MARCHF8: variants seen among roughly 807,000 people sequenced by gnomAD.
MARCHF8 encodes E3 ubiquitin-protein ligase MARCHF8.
Under a neutral mutation model 51.6 loss-of-function variants are expected in MARCHF8, and 40 were observed. The observed-to-expected ratio is 0.77, with a 90% confidence interval of 0.60 to 1.01. MARCHF8 has a LOEUF of 1.01. Ranked by LOEUF, MARCHF8 falls within the 50% of genes least tolerant of loss-of-function variation. The pLI, the probability that MARCHF8 is intolerant of heterozygous loss-of-function variation, is 0.00. For missense variants in MARCHF8, 685 were observed against 708.6 expected, an observed-to-expected ratio of 0.97 and a Z score of 0.38; for synonymous variants, 263 against 280.3, an observed-to-expected ratio of 0.94 and a Z score of 0.62.
chr10:45,493,993 A>G (rs1026182828), intron 2 of MARCHF8, among the ~76,000 whole-genome samples: 1 of 152,238 alleles, frequency 6.6e-6, no homozygotes, highest in African/African-American at 2.4e-5. Context: ...TTTTAAAAGT[A>G]AATTCCTATG....
chr10:45,550,343 C>T (rs1185131611), intron 1 of MARCHF8, among the ~76,000 whole-genome samples: 1 of 152,192 alleles, frequency 6.6e-6, no homozygotes, highest in African/African-American at 2.4e-5. Flanking sequence ...TTAACAAACA[C>T]ATGGATCTTG....
chr10:45,489,608 T>C (rs754183728), intron 2 of MARCHF8, among the ~76,000 whole-genome samples, 191 bp from the exon 3 acceptor site: 4 of 152,120 alleles, frequency 2.6e-5, no homozygotes, highest in Admixed American at 2.0e-4. Context: ...GAATACACAA[T>C]AGTCCCTGTC....
At chr10:45,574,821 T>C (rs1014035093) in intron 1 of MARCHF8, among the ~76,000 whole-genome samples, 5 of 152,160 alleles carry the variant, frequency 3.3e-5, no homozygotes, top group Non-Finnish European at 5.9e-5. Context: ...CTGATGCATA[T>C]ACTTTCTGCC....
intron 1 of MARCHF8, among the ~76,000 whole-genome samples, chr10:45,553,805 C>T (rs1031585743): frequency 6.6e-6 from 1 of 150,836 alleles, no homozygotes; most frequent in Non-Finnish European, 1.5e-5. Flanking sequence ...GAGGCAGAAA[C>T]TATACGTGTG....
intron 2 of MARCHF8, among the ~76,000 whole-genome samples, chr10:45,521,187 GAT>G (rs997200280): frequency 1.3e-5 from 2 of 152,106 alleles, no homozygotes; most frequent in African/African-American, 4.8e-5. Context: ...ATCTACCTAT[GAT>G]ATATCTGAAT....
chr10:45,467,324 C>A (rs1329517885), intron 3 of MARCHF8, among the ~76,000 whole-genome samples: 1 of 152,126 alleles, frequency 6.6e-6, no homozygotes, highest in South Asian at 2.1e-4. Flanking sequence ...ATATAAACTT[C>A]AACAAATGCT....
intron 3 of MARCHF8, among the ~76,000 whole-genome samples, chr10:45,468,290 G>C (rs543884572): frequency 1.3e-5 from 2 of 152,246 alleles, no homozygotes; most frequent in East Asian, 3.9e-4. Flanking sequence ...GCCTGCTGTC[G>C]CTGGAGCAGC....
At chr10:45,550,102 C>T (rs1055627900) in intron 1 of MARCHF8, among the ~76,000 whole-genome samples, 1 of 152,114 alleles carries the variant, frequency 6.6e-6, no homozygotes, top group Admixed American at 6.5e-5. Flanking sequence ...ATGTTGTTTT[C>T]GCTGCTTTTT....
At chr10:45,501,804 C>G (rs2043285492) in intron 2 of MARCHF8, among the ~76,000 whole-genome samples, 1 of 151,886 alleles carries the variant, frequency 6.6e-6, no homozygotes, top group African/African-American at 2.4e-5. Context: ...TTTTAAAAAT[C>G]CAATTAGAAA....
intron 3 of MARCHF8, among the ~76,000 whole-genome samples, chr10:45,479,457 A>G (rs1343263847): frequency 6.6e-6 from 1 of 152,170 alleles, no homozygotes; most frequent in Non-Finnish European, 1.5e-5. Context: ...ATGCCCGCTG[A>G]TATGATTTGG....
intron 1 of MARCHF8, among the ~76,000 whole-genome samples, chr10:45,564,630 A>G (rs552932610): frequency 1.3e-5 from 2 of 152,300 alleles, no homozygotes; most frequent in Admixed American, 1.3e-4. Flanking sequence ...TTATAAATCC[A>G]AAAGACTCAG....
intron 3 of MARCHF8, among the ~76,000 whole-genome samples, chr10:45,478,889 T>TCCAGGATTGGATGACTTCACTG (rs2042835141): frequency 6.6e-6 from 1 of 151,128 alleles, no homozygotes; most frequent in Admixed American, 6.6e-5. Flanking sequence ...CAACGAAAGG[T>TCCAGGATTGGATGACTTCACTG]CCAGGATTGG....
chr10:45,539,628 C>CA (rs1389819907), upstream of MARCHF8, among the ~76,000 whole-genome samples: 7 of 152,052 alleles, frequency 4.6e-5, no homozygotes, highest in Non-Finnish European at 8.8e-5. Flanking sequence ...TAAAGAATGA[C>CA]AAAGGGGATA....
chr10:45,510,034 T>A (rs1261170302), intron 2 of MARCHF8, among the ~76,000 whole-genome samples: 3 of 152,262 alleles, frequency 2.0e-5, no homozygotes, highest in South Asian at 4.1e-4. Flanking sequence ...AAGAGTAGCG[T>A]AGGGAGAAGA....
intron 1 of MARCHF8, among the ~76,000 whole-genome samples, chr10:45,576,913 C>T (rs2133409074): frequency 6.7e-6 from 1 of 149,254 alleles, no homozygotes; most frequent in South Asian, 2.1e-4. Flanking sequence ...GCTACAATTG[C>T]ACCACTGCAC....
intron 1 of MARCHF8, among the ~76,000 whole-genome samples, chr10:45,546,034 C>CTT (rs750095530): frequency 2.2e-4 from 34 of 152,168 alleles, no homozygotes; most frequent in Non-Finnish European, 4.3e-4. Flanking sequence ...ATGTTACCCA[C>CTT]TAAAAAACAG....
intron 1 of MARCHF8, among the ~76,000 whole-genome samples, chr10:45,583,035 G>T (rs1230478415): frequency 6.6e-6 from 1 of 152,150 alleles, no homozygotes; most frequent in Non-Finnish European, 1.5e-5. Context: ...AATATTTAAA[G>T]TGGATAAACA....
intron 1 of MARCHF8, among the ~76,000 whole-genome samples, chr10:45,591,976 G>A (rs1229659423): frequency 6.6e-6 from 1 of 152,038 alleles, no homozygotes; most frequent in Non-Finnish European, 1.5e-5. Context: ...AATTTCCATA[G>A]CATTTGTACC....
chr10:45,588,142 T>C (rs978312781), intron 1 of MARCHF8, among the ~76,000 whole-genome samples: 3 of 151,318 alleles, frequency 2.0e-5, no homozygotes, highest in South Asian at 4.2e-4. Context: ...CTAATAAATA[T>C]ATTTTTTCAT....
Sources: gnomAD v4.1 joint callset for allele counts (sites outside exome capture counted in the v4.1 genomes callset) on GRCh38, gnomAD v4.1.1 for gene constraint, MANE v1.5 for transcripts, NCBI Gene and HGNC (gene_info 2026-07-23, HGNC 2026-07-21) for gene names.